The following PTPRM variants were observed in gnomAD, a reference collection of about 807,000 sequenced individuals.
PTPRM encodes receptor-type tyrosine-protein phosphatase mu.
PTPRM carries 47 observed loss-of-function variants against 186.7 expected under a neutral mutation model. The ratio of observed to expected loss-of-function variants is 0.25; its 90% CI spans 0.20 to 0.32. The LOEUF is 0.32. Ranked by LOEUF, PTPRM falls within the 10% of genes least tolerant of loss-of-function variation. The pLI, the probability that PTPRM is intolerant of heterozygous loss-of-function variation, is 1.00. For synonymous variants in PTPRM, 668 were observed against 674.9 expected, an observed-to-expected ratio of 0.99 and a Z score of 0.16; for missense variants, 1,494 against 1,865.0, an observed-to-expected ratio of 0.80 and a Z score of 3.66.
intron 32 of PTPRM, among the ~76,000 whole-genome samples, chr18:8,398,100 G>C (rs2095853666): frequency 6.6e-6 from 1 of 152,088 alleles, no homozygotes; most frequent in African/African-American, 2.4e-5. Context: ...AGCCTCTCAA[G>C]TAGCTGGAAC....
chr18:8,017,654 A>G (rs984628805), intron 7 of PTPRM: 8 of 152,024 alleles, frequency 5.3e-5, no homozygotes, highest in Non-Finnish European at 1.0e-4. Flanking sequence ...TACTAAAAAA[A>G]TTTACAAAGC....
chr18:8,190,896 G>A lies in PTPRM; in HGVS notation c.2300+47117G>A, dbSNP rs564380167. ...CTTTCCTCTTAATAAAAAAAATTGT[G>A]TGTTGGGGAGGAGTGAATGTTGGTG... On this transcript the variant is annotated intron_variant, in intron 14 of 32. Transcript: ENST00000580170. Among the ~76,000 whole-genome samples the A allele has an allele frequency of 9.2e-5, 14 of 152,282 alleles. No individual in the cohort carries two copies. In the South Asian group the frequency reaches 2.5e-3, roughly 27 times the overall value.
rs1334172939 is a variant in PTPRM at position 8,143,729 on chromosome 18, C to T, written c.2250C>T (p.Ile750=). The T allele has an allele frequency of 6.2e-7, 1 of 1,613,934 alleles. No individual in the cohort carries two copies. The highest frequency in any genetic ancestry group is 1.3e-5 in the African/African-American group (1 of 74,926). ...AAATTGCTGGAGTCATCGCGGGCAT[C>T]TTGCTGTTCGTGATTATATTTCTTG... ...TVKIAGVIAG[I]LLFVIIFLGV... is the part of the protein sequence containing the mutation. The change falls in exon 14 of 33, where the codon ATC becomes ATT. Residue 750 remains isoleucine, a synonymous_variant. Transcript: ENST00000580170.
intron 14 of PTPRM, among the ~76,000 whole-genome samples, chr18:8,185,015 C>CT (rs1355455388): frequency 6.6e-6 from 1 of 151,956 alleles, no homozygotes. Context: ...TGTTGGTTTT[C>CT]TTTTTTTAAG....
chr18:8,148,803 C>A (rs1236488007), intron 14 of PTPRM, among the ~76,000 whole-genome samples: 4 of 152,148 alleles, frequency 2.6e-5, no homozygotes, highest in Non-Finnish European at 5.9e-5. Context: ...TATAAATTTT[C>A]CACTACACAT....
intron 3 of PTPRM, 89 bp downstream of exon 3, chr18:7,888,466 G>T (rs375536095): frequency 2.1e-6 from 3 of 1,406,628 alleles, no homozygotes; most frequent in Non-Finnish European, 2.8e-6. Flanking sequence ...ATCAGAAAAG[G>T]TTGTTGTATT....
chr18:7,728,398 C>T, intron 1 of PTPRM, among the ~76,000 whole-genome samples: 1 of 152,170 alleles, frequency 6.6e-6, no homozygotes, highest in South Asian at 2.1e-4. Flanking sequence ...AAGAAGGTTT[C>T]CACCTCACAA....
chr18:8,327,827 T>C (rs1462875597), intron 22 of PTPRM, among the ~76,000 whole-genome samples: 1 of 152,242 alleles, frequency 6.6e-6, no homozygotes, highest in Admixed American at 6.5e-5. Context: ...TGCTTGGCTC[T>C]ACCCTGACCC....
intron 14 of PTPRM, among the ~76,000 whole-genome samples, chr18:8,213,224 T>C (rs941055947): frequency 6.6e-6 from 1 of 152,180 alleles, no homozygotes; most frequent in African/African-American, 2.4e-5. Flanking sequence ...TCTGTGAGGA[T>C]CATTCTTGCA....
At chr18:8,229,833 A>ATG (rs1296944819) in intron 14 of PTPRM, among the ~76,000 whole-genome samples, 1 of 152,224 alleles carries the variant, frequency 6.6e-6, no homozygotes, top group African/African-American at 2.4e-5. Context: ...TTATATATAT[A>ATG]TGTGTGTATA....
chr18:7,872,318 C>G (rs2048023218), intron 2 of PTPRM, among the ~76,000 whole-genome samples: 1 of 152,164 alleles, frequency 6.6e-6, no homozygotes, highest in Non-Finnish European at 1.5e-5. Flanking sequence ...TTTATCCTTC[C>G]CACTTCCTCA....
Position 8,071,213 on chromosome 18 carries a change from C to T in PTPRM, c.1441+1219C>T, listed in dbSNP as rs74435617. Among the ~76,000 whole-genome samples, 822 of 152,306 alleles carry T rather than the reference C, an allele frequency of 5.4e-3. 8 individuals carry two copies. The highest frequency in any genetic ancestry group is 0.019 in the African/African-American group (787 of 41,564). The stretch of plus-strand genomic sequence containing the variant: ...TCTGTTTCTTCCAACTCTCTCTCAT[C>T]TCCCAGAAGAGGAGAAGATGGTGTC... On this transcript the variant is annotated intron_variant, in intron 8 of 32. Transcript: ENST00000580170.
intron 7 of PTPRM, among the ~76,000 whole-genome samples, chr18:8,017,638 A>G (rs1157570568): frequency 1.3e-5 from 2 of 151,766 alleles, no homozygotes; most frequent in African/African-American, 2.4e-5. Flanking sequence ...ATATAAACAC[A>G]CTTTTTACTA....
chr18:8,325,591 T>C (rs552172505), intron 22 of PTPRM, among the ~76,000 whole-genome samples: 1 of 152,352 alleles, frequency 6.6e-6, no homozygotes, highest in South Asian at 2.1e-4. Flanking sequence ...GTTGATTCCA[T>C]GTCTTTGCCA....
At chr18:8,174,190 CA>C (rs754579124) in intron 14 of PTPRM, among the ~76,000 whole-genome samples, 2 of 152,160 alleles carry the variant, frequency 1.3e-5, no homozygotes, top group Non-Finnish European at 2.9e-5. Flanking sequence ...TACACTTTAG[CA>C]GAATTCTGGC....
intron 2 of PTPRM, among the ~76,000 whole-genome samples, chr18:7,857,822 G>A (rs1330566326): frequency 6.6e-6 from 1 of 152,154 alleles, no homozygotes; most frequent in Non-Finnish European, 1.5e-5. Context: ...TTTGAGGTGT[G>A]GGTGGAAATC....
At chr18:8,044,965 G>A (rs1332071509) in intron 7 of PTPRM, among the ~76,000 whole-genome samples, 3 of 152,094 alleles carry the variant, frequency 2.0e-5, no homozygotes, top group African/African-American at 4.8e-5. Context: ...CAGATGGTTA[G>A]ACAGAATACC....
chr18:7,953,630 T>C lies in PTPRM; in HGVS notation c.839-1491T>C, dbSNP rs2053118876. ...CCCCAGCAATTGTAAAAAGTCAGTA[T>C]GACTTATCCCACCTTGAATATAAAA... On this transcript the variant is annotated intron_variant, in intron 6 of 32. Transcript: ENST00000580170. Among the ~76,000 whole-genome samples the C allele has an allele frequency of 2.0e-5, 3 of 152,236 alleles. No individual in the cohort carries two copies. In the South Asian group the frequency reaches 6.2e-4, roughly 32 times the overall value.
chr18:8,238,668 T>TTTTTTTG (rs2094378777), intron 14 of PTPRM, among the ~76,000 whole-genome samples: 1 of 138,362 alleles, frequency 7.2e-6, no homozygotes, highest in African/African-American at 2.8e-5. Context: ...TTTTTTTTTT[T>TTTTTTTG]TTTTTTTTTT....
Sources: allele counts gnomAD v4.1 joint callset (sites outside exome capture counted in the v4.1 genomes callset), GRCh38; gene constraint gnomAD v4.1.1; transcripts MANE v1.5; gene names NCBI Gene and HGNC (gene_info 2026-07-23, HGNC 2026-07-21).